PPP2R2B: variants seen among roughly 807,000 people sequenced by gnomAD.
The protein encoded by PPP2R2B is serine/threonine-protein phosphatase 2A 55 kDa regulatory subunit B beta isoform.
In PPP2R2B, 5 loss-of-function variants were observed where a neutral mutation model predicts 46.0. That is an observed-to-expected ratio of 0.11 (90% CI 0.06 to 0.23). The LOEUF (loss-of-function observed/expected upper bound fraction) is 0.23. Among genes scored for constraint, PPP2R2B ranks in the 10% least tolerant of loss-of-function variants. The pLI, the probability that PPP2R2B is intolerant of heterozygous loss-of-function variation, is 1.00. For synonymous variants in PPP2R2B, 215 were observed against 206.7 expected, an observed-to-expected ratio of 1.04 and a Z score of -0.34; for missense variants, 367 against 575.0, an observed-to-expected ratio of 0.64 and a Z score of 3.70.
At chr5:146,663,143 G>T (rs576034847) in intron 5 of PPP2R2B, among the ~76,000 whole-genome samples, 1 of 152,180 alleles carries the variant, frequency 6.6e-6, no homozygotes, top group East Asian at 1.9e-4. Flanking sequence ...TCTTTTTACA[G>T]ATCAGCATAT....
At chr5:147,024,153 C>CTCTGTCTA (rs138956510) in intron 1 of PPP2R2B, among the ~76,000 whole-genome samples, 1 of 145,542 alleles carries the variant, frequency 6.9e-6, no homozygotes, top group African/African-American at 2.6e-5. Flanking sequence ...AAATCCCCTC[C>CTCTGTCTA]TCTATCTATC....
chr5:146,884,092 T>G (rs944242678), intron 1 of PPP2R2B, among the ~76,000 whole-genome samples: 6 of 136,208 alleles, frequency 4.4e-5, no homozygotes, highest in Non-Finnish European at 9.0e-5. Flanking sequence ...ATTCAGGGTT[T>G]TTTTTTTTTT....
intron 2 of PPP2R2B, among the ~76,000 whole-genome samples, chr5:146,829,834 G>T (rs993250404): frequency 1.3e-5 from 2 of 152,080 alleles, no homozygotes; most frequent in Admixed American, 6.6e-5. Context: ...CTAAAATTTT[G>T]ATAATCTATT....
At chr5:146,897,679 C>T (rs188887975) in intron 1 of PPP2R2B, among the ~76,000 whole-genome samples, 2 of 152,036 alleles carry the variant, frequency 1.3e-5, no homozygotes, top group Admixed American at 1.3e-4. Context: ...CTGGAGACAA[C>T]AGGGATACTT....
At chr5:146,999,555 T>C (rs2151867989) in intron 1 of PPP2R2B, among the ~76,000 whole-genome samples, 1 of 152,306 alleles carries the variant, frequency 6.6e-6, no homozygotes, top group South Asian at 2.1e-4. Flanking sequence ...CCACTAAGGT[T>C]GGAAATCACT....
intron 2 of PPP2R2B, among the ~76,000 whole-genome samples, chr5:146,842,341 C>A (rs918334797): frequency 6.6e-6 from 1 of 151,500 alleles, no homozygotes; most frequent in African/African-American, 2.4e-5. Context: ...CCCCACACAT[C>A]CCCAAAAGTA....
At chr5:146,672,080 G>A (rs962681367) in intron 5 of PPP2R2B, among the ~76,000 whole-genome samples, 1 of 152,220 alleles carries the variant, frequency 6.6e-6, no homozygotes, top group African/African-American at 2.4e-5. Flanking sequence ...GAGCTTGGCA[G>A]GGGGTAATTT....
rs116183442 is a variant in PPP2R2B at position 146,621,121 on chromosome 5, G to A, written c.790+17130C>T. On this transcript the variant is annotated intron_variant, in intron 7 of 9. Coordinates refer to ENST00000394411, the MANE Select transcript of PPP2R2B (RefSeq NM_181675.4). The stretch of plus-strand genomic sequence containing the variant: ...CCAAGCACTGCCTGGAGGGACCCTG[G>A]TGTGAGCTGGTCACTGCTTCACTGT... Among the ~76,000 whole-genome samples the A allele has an allele frequency of 1.1e-3, 172 of 152,352 alleles. 1 individual carries two copies. The highest frequency in any genetic ancestry group is 3.9e-3 in the African/African-American group (161 of 41,584).
chr5:147,029,862 G>A (rs1052258289), intron 1 of PPP2R2B, among the ~76,000 whole-genome samples: 3 of 151,522 alleles, frequency 2.0e-5, no homozygotes, highest in Non-Finnish European at 3.0e-5. Context: ...GGAACTTTAA[G>A]AAAATCAATC....
chr5:147,025,637 C>T (rs1755494521), intron 1 of PPP2R2B, among the ~76,000 whole-genome samples: 1 of 151,822 alleles, frequency 6.6e-6, no homozygotes, highest in Non-Finnish European at 1.5e-5. Flanking sequence ...AAAGATAAAC[C>T]ATAGGCCATG....
chr5:146,769,505 T>C (rs1489581260), intron 2 of PPP2R2B, among the ~76,000 whole-genome samples: 1 of 152,260 alleles, frequency 6.6e-6, no homozygotes, highest in Non-Finnish European at 1.5e-5. Context: ...TCACTAGATT[T>C]GCAAGCACTG....
chr5:146,902,549 G>C (rs1258549815), intron 1 of PPP2R2B, among the ~76,000 whole-genome samples: 1 of 152,112 alleles, frequency 6.6e-6, no homozygotes, highest in African/African-American at 2.4e-5. Context: ...AAAATCCTGA[G>C]GTCTGGCTCT....
chr5:147,026,717 C>T (rs1755543664), intron 1 of PPP2R2B, among the ~76,000 whole-genome samples: 1 of 151,978 alleles, frequency 6.6e-6, no homozygotes, highest in South Asian at 2.1e-4. Context: ...ATATCTTTAG[C>T]CACCAGGGAA....
At chr5:146,653,036 TTC>T (rs1776082476) in intron 5 of PPP2R2B, among the ~76,000 whole-genome samples, 1 of 152,182 alleles carries the variant, frequency 6.6e-6, no homozygotes, top group Non-Finnish European at 1.5e-5. Context: ...ATTGGGCATT[TTC>T]TCTGTGTCAA....
chr5:146,859,844 C>T (rs897431092), intron 2 of PPP2R2B, among the ~76,000 whole-genome samples: 3 of 151,854 alleles, frequency 2.0e-5, no homozygotes, highest in Admixed American at 6.6e-5. Context: ...GAGAGTAGAA[C>T]GTGGCCTATG....
chr5:146,855,172 GA>G (rs967449584), intron 2 of PPP2R2B, among the ~76,000 whole-genome samples: 5 of 151,578 alleles, frequency 3.3e-5, no homozygotes, highest in Admixed American at 2.6e-4. Context: ...TGGTAGGAAG[GA>G]AAAAAAATCG....
At chr5:146,874,099 A>G (rs955580698) in intron 2 of PPP2R2B, among the ~76,000 whole-genome samples, 3 of 152,196 alleles carry the variant, frequency 2.0e-5, no homozygotes, top group African/African-American at 7.2e-5. Flanking sequence ...TCTAAATTAG[A>G]TCCACCTTTC....
chr5:146,985,271 G>T (rs971603977), intron 1 of PPP2R2B, among the ~76,000 whole-genome samples: 4 of 151,780 alleles, frequency 2.6e-5, no homozygotes, highest in Non-Finnish European at 4.4e-5. Flanking sequence ...CACCTGCCTC[G>T]GCCTCCCAAA....
chr5:146,841,603 A>G (rs535080981), intron 2 of PPP2R2B, among the ~76,000 whole-genome samples: 1 of 152,234 alleles, frequency 6.6e-6, no homozygotes, highest in East Asian at 1.9e-4. Context: ...CTATGCAACC[A>G]TTAAAAAGGA....
Sources: allele counts gnomAD v4.1 joint callset (sites outside exome capture counted in the v4.1 genomes callset), GRCh38; gene constraint gnomAD v4.1.1; transcripts MANE v1.5; gene names NCBI Gene and HGNC (gene_info 2026-07-23, HGNC 2026-07-21).